The following CSMD1 variants were observed in gnomAD, a reference collection of about 807,000 sequenced individuals.
CSMD1 encodes the protein CUB and sushi domain-containing protein 1.
CSMD1 carries 213 observed loss-of-function variants against 417.5 expected under a neutral mutation model. The ratio of observed to expected loss-of-function variants is 0.51; its 90% CI spans 0.46 to 0.57. CSMD1 has a LOEUF of 0.57. Ranked by LOEUF, CSMD1 falls within the 20% of genes least tolerant of loss-of-function variation. The pLI is 0.00. For synonymous variants in CSMD1, 2,862 were observed against 1,736.8 expected (o/e 1.65, Z -16.11); for missense variants, 6,923 against 4,529.7 (o/e 1.53, Z -15.17).
intron 25 of CSMD1, among the ~76,000 whole-genome samples, chr8:3,292,754 C>T (rs1450727670): frequency 1.3e-5 from 2 of 152,168 alleles, no homozygotes; most frequent in Non-Finnish European, 2.9e-5. Flanking sequence ...GAATAGAGCA[C>T]ACTGATGGGT....
At chr8:3,306,867 C>G (rs1485133728) in intron 25 of CSMD1, among the ~76,000 whole-genome samples, 1 of 145,482 alleles carries the variant, frequency 6.9e-6, no homozygotes, top group Non-Finnish European at 1.5e-5. Flanking sequence ...AAAAATATTA[C>G]TTTTTGTTGG....
chr8:3,880,647 C>G (rs1053659221), intron 5 of CSMD1, among the ~76,000 whole-genome samples: 1 of 152,164 alleles, frequency 6.6e-6, no homozygotes, highest in Non-Finnish European at 1.5e-5. Flanking sequence ...GTTTCTTAAC[C>G]TTTCCTGTAA....
chr8:4,412,208 A>G (rs1796687986), intron 3 of CSMD1, among the ~76,000 whole-genome samples: 3 of 151,876 alleles, frequency 2.0e-5, no homozygotes, highest in Admixed American at 2.0e-4. Flanking sequence ...TTAAATTGTA[A>G]CCCCCAGTAT....
At chr8:3,903,803 C>A (rs532948327) in intron 5 of CSMD1, among the ~76,000 whole-genome samples, 90 of 152,236 alleles carry the variant, frequency 5.9e-4, no homozygotes, top group South Asian at 1.2e-3. Context: ...ATCAGTGTTC[C>A]ATGGGTCATG....
intron 40 of CSMD1, among the ~76,000 whole-genome samples, chr8:3,146,567 T>C (rs989561449): frequency 1.3e-5 from 2 of 152,212 alleles, no homozygotes. Flanking sequence ...TCTACTCAGC[T>C]AAACTCAGAG....
At chr8:3,897,711 A>G (rs1002612637) in intron 5 of CSMD1, among the ~76,000 whole-genome samples, 1 of 152,192 alleles carries the variant, frequency 6.6e-6, no homozygotes, top group Non-Finnish European at 1.5e-5. Flanking sequence ...TAATCCCGTG[A>G]GGAAGCCCTA....
chr8:3,875,068 G>A (rs538309275), intron 5 of CSMD1, among the ~76,000 whole-genome samples: 11 of 152,158 alleles, frequency 7.2e-5, no homozygotes, highest in East Asian at 3.9e-4. Context: ...GCAGAAGAGC[G>A]GACACAGAAA....
In CSMD1 at chr8:4,257,425, T is replaced by C. The variant is rs377464263; in HGVS notation, c.415+162528A>G. Reference sequence around the variant, plus strand: ...ATGTATAATCATGGATTTGCACTTTTCTCTCTCTTTAGGCTTATTAAGAAT... The same window carrying C: ...ATGTATAATCATGGATTTGCACTTTCCTCTCTCTTTAGGCTTATTAAGAAT... On this transcript the variant is annotated intron_variant, in intron 3 of 69. Transcript: ENST00000635120. Among the ~76,000 whole-genome samples, 496 of 128,948 alleles carry C rather than the reference T, an allele frequency of 3.8e-3. 1 individual carries two copies. Among genetic ancestry groups the C allele is most frequent in the African/African-American group, 0.02 (468 of 23,134 alleles). The allele number at this position is 128,948 out of a possible 152,430, so 84.6% of individuals were successfully genotyped here.
intron 1 of CSMD1, among the ~76,000 whole-genome samples, chr8:4,914,880 A>G (rs562946038): frequency 1.3e-5 from 2 of 152,312 alleles, no homozygotes; most frequent in Admixed American, 6.5e-5. Context: ...TGAACTCACA[A>G]GAAAGACATG....
At chr8:3,446,141 G>A (rs955427171) in intron 12 of CSMD1, among the ~76,000 whole-genome samples, 1 of 152,108 alleles carries the variant, frequency 6.6e-6, no homozygotes, top group African/African-American at 2.4e-5. Context: ...TTGACTGCAA[G>A]AAAGGAAATT....
intron 2 of CSMD1, among the ~76,000 whole-genome samples, chr8:4,447,175 G>A (rs551388665): frequency 1.3e-5 from 2 of 152,274 alleles, no homozygotes; most frequent in Non-Finnish European, 2.9e-5. Flanking sequence ...TTGATCCCAT[G>A]TTATTTCCCA....
intron 3 of CSMD1, among the ~76,000 whole-genome samples, chr8:4,221,543 T>C (rs1285637032): frequency 1.3e-5 from 2 of 152,054 alleles, no homozygotes; most frequent in Non-Finnish European, 2.9e-5. Context: ...CCAGGAAGGC[T>C]CAAGAGCAGG....
At chr8:3,999,691 T>C (rs563628890) in intron 4 of CSMD1, among the ~76,000 whole-genome samples, 1 of 152,196 alleles carries the variant, frequency 6.6e-6, no homozygotes, top group African/African-American at 2.4e-5. Context: ...GGCATTCTCA[T>C]GCTGTTTATG....
chr8:4,118,801 A>T (rs893791258), intron 3 of CSMD1, among the ~76,000 whole-genome samples: 3 of 152,224 alleles, frequency 2.0e-5, no homozygotes, highest in African/African-American at 7.2e-5. Flanking sequence ...ATGTATGTTT[A>T]TTACAGCACT....
chr8:4,446,761 G>C (rs866889873), intron 2 of CSMD1, among the ~76,000 whole-genome samples: 309 of 68,988 alleles, frequency 4.5e-3, no homozygotes, highest in East Asian at 0.016. Context: ...GTGTCTGTGT[G>C]TGTGTGTGTG....
At chr8:4,284,724 A>C (rs2128862611) in intron 3 of CSMD1, among the ~76,000 whole-genome samples, 1 of 152,240 alleles carries the variant, frequency 6.6e-6, no homozygotes, top group East Asian at 1.9e-4. Context: ...GACTCCCAGG[A>C]GGGTAACTCC....
At chr8:4,146,258 T>G (rs1055512396) in intron 3 of CSMD1, among the ~76,000 whole-genome samples, 3 of 150,984 alleles carry the variant, frequency 2.0e-5, no homozygotes, top group Non-Finnish European at 2.9e-5. Context: ...CCTCATCCAC[T>G]CGAGGCAGTA....
intron 5 of CSMD1, among the ~76,000 whole-genome samples, chr8:3,793,691 AG>A (rs930467701): frequency 1.3e-5 from 2 of 152,136 alleles, no homozygotes; most frequent in Admixed American, 6.6e-5. Flanking sequence ...TTCATTATTC[AG>A]GGTAAGTTAA....
chr8:4,469,873 T>C (rs1800423026), intron 2 of CSMD1, among the ~76,000 whole-genome samples: 1 of 149,910 alleles, frequency 6.7e-6, no homozygotes, highest in African/African-American at 2.5e-5. Flanking sequence ...TTTTCCTTTT[T>C]TTTTTTTTAT....
Sources: gnomAD v4.1 joint callset for allele counts (sites outside exome capture counted in the v4.1 genomes callset) on GRCh38, gnomAD v4.1.1 for gene constraint, MANE v1.5 for transcripts, NCBI Gene and HGNC (gene_info 2026-07-23, HGNC 2026-07-21) for gene names.